NPAS1: variants seen among roughly 807,000 people sequenced by gnomAD.
NPAS1 encodes neuronal PAS domain protein 1.
In NPAS1, 29 loss-of-function variants were observed where a neutral mutation model predicts 49.2. That is an observed-to-expected ratio of 0.59 (90% CI 0.44 to 0.80). The LOEUF is 0.80. Among genes scored for constraint, NPAS1 ranks in the 30% least tolerant of loss-of-function variants. The pLI, the probability that NPAS1 is intolerant of heterozygous loss-of-function variation, is 0.00. For missense variants in NPAS1, 825 were observed against 835.5 expected (o/e 0.99, Z 0.15); for synonymous variants, 408 against 380.4 (o/e 1.07, Z -0.84).
chr19:47,024,654 T>TG (rs1211827211), intron 3 of NPAS1, among the ~76,000 whole-genome samples: 2 of 152,018 alleles, frequency 1.3e-5, no homozygotes, highest in African/African-American at 4.8e-5. Context: ...CCATCATATG[T>TG]GGTCTGTAGG....
At chr19:47,037,338 C>CAAAAAAAAAA (rs869125845) in intron 6 of NPAS1, among the ~76,000 whole-genome samples, 1 of 51,788 alleles carries the variant, frequency 1.9e-5, no homozygotes, top group African/African-American at 8.2e-5. Context: ...ACTCCGTCTC[C>CAAAAAAAAAA]AAAAAAAAAA....
intron 3 of NPAS1, among the ~76,000 whole-genome samples, chr19:47,028,432 G>A (rs571165137): frequency 1.1e-4 from 16 of 152,188 alleles, no homozygotes; most frequent in Admixed American, 4.6e-4. Context: ...GGGGCTGCGC[G>A]CCCATGGGGG....
chr19:47,020,894 GCC>G (rs560286873), intron 1 of NPAS1, 110 bp from the exon 2 acceptor site: 109,329 of 271,618 alleles, frequency 0.4, 11,591 homozygotes, highest in Admixed American at 0.47. Context: ...CATCATCCAG[GCC>G]CCCCCCCCCC....
Position 47,024,752 on chromosome 19 carries a change from T to C in NPAS1, c.358+2905T>C, listed in dbSNP as rs181953663. Among the ~76,000 whole-genome samples, 294 of 151,402 alleles carry C rather than the reference T, an allele frequency of 1.9e-3. 3 individuals are homozygous for C. The highest frequency in any genetic ancestry group is 4.4e-3 in the African/African-American group (180 of 41,244). ...GACAACAGATGTTCAAGTCTAGCCC[T>C]GAGCCTCTGAGTCTGGAGAGGAGAC... On this transcript the variant is annotated intron_variant, in intron 3 of 11. Coordinates refer to ENST00000602212, the MANE Select transcript of NPAS1 (RefSeq NM_002517.4).
intron 3 of NPAS1, among the ~76,000 whole-genome samples, chr19:47,026,043 G>A (rs1363897853): frequency 1.3e-5 from 2 of 151,872 alleles, no homozygotes; most frequent in Admixed American, 1.3e-4. Flanking sequence ...AGGTTCAAGC[G>A]ATTCTCCTGC....
intron 3 of NPAS1, among the ~76,000 whole-genome samples, chr19:47,023,864 T>C (rs908642359): frequency 6.6e-6 from 1 of 152,040 alleles, no homozygotes; most frequent in African/African-American, 2.4e-5. Context: ...CCCAGCACTT[T>C]GGGAGGCCAA....
Position 47,036,073 on chromosome 19 carries a change from C to A in NPAS1, c.632C>A (p.Pro211His). Residue 211 changes from proline to histidine, a missense_variant, in exon 6 of 12, where the codon CCC (proline) becomes CAC (histidine). Pro to His is a moderately conservative substitution (Grantham distance 77). Coordinates refer to ENST00000602212, the MANE Select transcript of NPAS1 (RefSeq NM_002517.4). ...RTPTPGPPTP[P>H]SVSSSSSSSS... is the part of the protein sequence containing the mutation. ...CCGACGCCCGGCCCCCCAACCCCGC[C>A]CTCCGTCTCCTCTTCCTCCTCCTCT... is the stretch of plus-strand genomic sequence containing the variant. 6.3e-7 allele frequency: 1 copy of A among 1,593,138 alleles called. No homozygotes were observed.
chr19:47,039,834 G>GTCTCTGTCTTTCATTTCTCATT lies in NPAS1; in HGVS notation c.962+276_962+277insTCTTTCATTTCTCATTTCTCTG, dbSNP rs1205904235. 4.3e-5 allele frequency among the ~76,000 whole-genome samples: 6 copies of GTCTCTGTCTTTCATTTCTCATT among 141,088 alleles called. No homozygotes were observed. In the East Asian group the frequency reaches 1.4e-3, roughly 34 times the overall value. The allele number at this position is 141,088 out of a possible 152,430, so 92.6% of individuals were successfully genotyped here. A position where few individuals can be genotyped will look rare whatever the true frequency, so the allele number is the denominator to read the frequency against. On this transcript the variant is annotated intron_variant, in intron 8 of 11. Coordinates refer to ENST00000602212, the MANE Select transcript of NPAS1 (RefSeq NM_002517.4). ...CTTCTGGGGCTGCAGATCTTGGCCCGTCTCTGGTCTTTCATTTCTCATTTC... is the reference window on the plus strand; with the variant it reads ...CTTCTGGGGCTGCAGATCTTGGCCCGTCTCTGTCTTTCATTTCTCATTTCTCTGGTCTTTCATTTCTCATTTC...
At chr19:47,029,696 C>T (rs1260118771) in intron 3 of NPAS1, among the ~76,000 whole-genome samples, 2 of 152,138 alleles carry the variant, frequency 1.3e-5, no homozygotes, top group East Asian at 3.9e-4. Flanking sequence ...CCACAGTGCC[C>T]GGCCTCCCCA....
At chr19:47,030,269 G>A (rs1431132932) in intron 3 of NPAS1, among the ~76,000 whole-genome samples, 3 of 151,942 alleles carry the variant, frequency 2.0e-5, no homozygotes, top group Non-Finnish European at 4.4e-5. Context: ...TGATCCACCC[G>A]CCTCGGCCTC....
intron 3 of NPAS1, among the ~76,000 whole-genome samples, chr19:47,022,908 G>A (rs2122429385): frequency 6.6e-6 from 1 of 152,288 alleles, no homozygotes; most frequent in Non-Finnish European, 1.5e-5. Context: ...GTTTGTTACA[G>A]CTTTGCGGTG....
At chr19:47,042,735 A>G (rs1003839598) in intron 10 of NPAS1, 75 bp from the exon 11 acceptor site, 3 of 1,272,648 alleles carry the variant, frequency 2.4e-6, no homozygotes, top group Non-Finnish European at 3.3e-6. Context: ...ACATTGCCAC[A>G]AGTTGGGTAA....
chr19:47,039,357 C>T, intron 7 of NPAS1, 50 bp from the exon 8 acceptor site: 1 of 1,603,076 alleles, frequency 6.2e-7, no homozygotes, highest in South Asian at 1.1e-5. Context: ...GGTCCTCTTG[C>T]CCCCACTGGC....
At position 47,040,982 on chromosome 19, in the gene NPAS1, G is replaced by A. The variant is rs1371545656; in HGVS notation, c.1074G>A (p.Leu358=). 10 of 1,490,492 alleles carry A rather than the reference G, an allele frequency of 6.7e-6. No individual in the cohort carries two copies. The highest frequency in any genetic ancestry group is 8.9e-6 in the Non-Finnish European group (10 of 1,118,882). 92.3% of individuals were successfully genotyped at this position (1,490,492 alleles called of 1,614,324 possible). A position where few individuals can be genotyped will look rare whatever the true frequency, so the allele number is the denominator to read the frequency against. Residue 358 remains leucine (L), a synonymous_variant, in exon 10 of 12, where the codon CTG becomes CTA. Coordinates refer to ENST00000602212, the MANE Select transcript of NPAS1 (RefSeq NM_002517.4). ...CTCTCCCTGGGCTGGGCCCAGTGCT[G>A]GACAAGGGTCAGGTGATGACTGGTT... ...TRIRQSHVDL[L]DKGQVMTGYY...
At chr19:47,032,929 G>A (rs1010007434) in intron 5 of NPAS1, among the ~76,000 whole-genome samples, 197 bp downstream of exon 5, 1 of 152,122 alleles carries the variant, frequency 6.6e-6, no homozygotes, top group South Asian at 2.1e-4. Flanking sequence ...GAGGGCTATT[G>A]TTTTTTGTTT....
At chr19:47,032,585 G>T in intron 4 of NPAS1, 58 bp from the exon 5 acceptor site, 1 of 1,500,852 alleles carries the variant, frequency 6.7e-7, no homozygotes, top group Non-Finnish European at 9.3e-7. Context: ...CCACTTGGCG[G>T]CTGGACAGAG....
intron 3 of NPAS1, among the ~76,000 whole-genome samples, chr19:47,022,189 TCACCCTGGCTTGGGA>T (rs2056846658): frequency 6.6e-6 from 1 of 152,186 alleles, no homozygotes; most frequent in South Asian, 2.1e-4. Context: ...CAGAGGGGAC[TCACCCTGGCTTGGGA>T]CGCCCATTCG....
In NPAS1 at chr19:47,021,751, G is replaced by C; in HGVS notation, c.262G>C (p.Val88Leu). 6.5e-7 allele frequency: 1 copy of C among 1,543,352 alleles called. No homozygotes were observed. The highest frequency in any genetic ancestry group is 8.7e-7 in the Non-Finnish European group (1 of 1,144,744). Residue 88 changes from valine to leucine, a missense_variant, in exon 3 of 12, where the codon GTG becomes CTG. Val to Leu is a conservative substitution (Grantham distance 32, BLOSUM62 1). Coordinates refer to ENST00000602212, the MANE Select transcript of NPAS1 (RefSeq NM_002517.4). This position sits in a 1 kb window ranked among gnomAD's most constrained non-coding sequence, Gnocchi z 5.7. ...ISSQLDKASI[V>L]RLSVTYLRLR... ...CAGCCAGCTGGACAAGGCTTCCATC[G>C]TGCGCCTCAGCGTCACCTACCTCCG... is the stretch of plus-strand genomic sequence containing the variant.
Position 47,019,903 on chromosome 19 carries a change from G to C in NPAS1, c.-137G>C, listed in dbSNP as rs1314214905. The C allele has an allele frequency of 2.7e-6, 1 of 376,714 alleles. No individual in the cohort carries two copies. The highest frequency in any genetic ancestry group is 4.7e-6 in the Non-Finnish European group (1 of 211,864). The allele number at this position is 376,714 out of a possible 1,614,324, so 23.3% of individuals were successfully genotyped here. On this transcript the variant is annotated 5_prime_UTR_variant, in exon 1 of 12. Coordinates refer to ENST00000602212, the MANE Select transcript of NPAS1 (RefSeq NM_002517.4). Reference sequence around the variant, plus strand: ...TCCCGCTGCGCCCCGCGCGCCCCGGGGTCTATGGAGCTGCCCCTCCGCGCC... The same window carrying C: ...TCCCGCTGCGCCCCGCGCGCCCCGGCGTCTATGGAGCTGCCCCTCCGCGCC...
Sources: gnomAD v4.1 joint callset for allele counts (sites outside exome capture counted in the v4.1 genomes callset) on GRCh38, gnomAD v4.1.1 for gene constraint, Gnocchi (gnomAD v3.1) non-coding constraint, MANE v1.5 for transcripts, NCBI Gene and HGNC (gene_info 2026-07-23, HGNC 2026-07-21) for gene names.